Variants in SNX30 observed in about 807,000 individuals in gnomAD.
SNX30 encodes sorting nexin family member 30, also known as sorting nexin-30.
SNX30 carries 24 observed loss-of-function variants against 46.4 expected under a neutral mutation model. The ratio of observed to expected loss-of-function variants is 0.52; its 90% CI spans 0.37 to 0.73. The LOEUF is 0.73. Among genes scored for constraint, SNX30 ranks in the 30% least tolerant of loss-of-function variants. The probability of loss-of-function intolerance (pLI) is 0.00; values close to 1 mark genes in which losing one functional copy is unlikely to be tolerated. For missense variants in SNX30, 533 were observed against 555.7 expected (o/e 0.96, Z 0.41); for synonymous variants, 189 against 211.5 (o/e 0.89, Z 0.92).
At chr9:112,790,608 T>G (rs1374256437) in intron 1 of SNX30, among the ~76,000 whole-genome samples, 1 of 152,190 alleles carries the variant, frequency 6.6e-6, no homozygotes, top group Non-Finnish European at 1.5e-5. Flanking sequence ...CCAAAGTCAG[T>G]GTGGTGGGGA....
chr9:112,788,070 T>C (rs553718818), intron 1 of SNX30, among the ~76,000 whole-genome samples: 1 of 152,216 alleles, frequency 6.6e-6, no homozygotes, highest in Non-Finnish European at 1.5e-5. Flanking sequence ...CTTTTAGTCT[T>C]GCTAAAAGTG....
Position 112,848,458 on chromosome 9 carries a change from G to T in SNX30, c.1015-2401G>T, listed in dbSNP as rs139514378. Among the ~76,000 whole-genome samples, 107 of 152,248 alleles carry T rather than the reference G, an allele frequency of 7.0e-4. 1 individual carries two copies. The highest frequency in any genetic ancestry group is 2.5e-3 in the African/African-American group (105 of 41,562). On this transcript the variant is annotated intron_variant, in intron 6 of 8. Coordinates refer to ENST00000374232, the MANE Select transcript of SNX30 (RefSeq NM_001012994.2). ...AACCTTCAGCGTGGTTGGATTTTGGGCCAGCTGCAAAGCCACATGCTGGAA... is the reference window on the plus strand; with the variant it reads ...AACCTTCAGCGTGGTTGGATTTTGGTCCAGCTGCAAAGCCACATGCTGGAA...
chr9:112,881,203 C>G (rs1225267984), intron 5 of SNX30, among the ~76,000 whole-genome samples: 1 of 152,194 alleles, frequency 6.6e-6, no homozygotes, highest in Non-Finnish European at 1.5e-5. Flanking sequence ...CCTGGGCTTT[C>G]TCATCTGCTG....
chr9:112,866,526 A>G, intron 8 of SNX30: 1 of 470,668 alleles, frequency 2.1e-6, no homozygotes, highest in Non-Finnish European at 4.4e-6. Context: ...AGAGAGCAGG[A>G]CCTGGAATGC....
chr9:112,758,965 G>A (rs1384118604), intron 1 of SNX30, among the ~76,000 whole-genome samples: 10 of 151,968 alleles, frequency 6.6e-5, no homozygotes, highest in African/African-American at 2.2e-4. Context: ...ACGCGCGCAC[G>A]TGCACACACA....
chr9:112,797,711 C>CT (rs71384277), intron 1 of SNX30, among the ~76,000 whole-genome samples: 91,993 of 121,130 alleles, frequency 0.76, 35,494 homozygotes, highest in South Asian at 0.86. Flanking sequence ...TTTTCTTTTT[C>CT]TTTTTTTTTT....
chr9:112,877,623 CA>C (rs1182366731), downstream of SNX30: 1 of 152,254 alleles, frequency 6.6e-6, no homozygotes, highest in Non-Finnish European at 1.5e-5. Context: ...ATCCATTAAC[CA>C]ACTCCTGTAG....
At chr9:112,805,715 T>C (rs7032401) in intron 2 of SNX30, among the ~76,000 whole-genome samples, 122,930 of 152,062 alleles carry the variant, frequency 0.81, 49,684 homozygotes, top group South Asian at 0.87. Context: ...ATGATCCACC[T>C]GCCTCGGCCT....
At chr9:112,789,327 G>T (rs1588116522) in intron 1 of SNX30, among the ~76,000 whole-genome samples, 2 of 152,100 alleles carry the variant, frequency 1.3e-5, no homozygotes, top group South Asian at 2.1e-4. Flanking sequence ...TCTCAGCCTG[G>T]AATGTCCTGG....
chr9:112,856,689 G>C (rs1039639491), intron 7 of SNX30: 12 of 152,326 alleles, frequency 7.9e-5, no homozygotes, highest in African/African-American at 2.9e-4. Context: ...GACGTGGTGG[G>C]TAGTGAAGTG....
Position 112,874,082 on chromosome 9 carries a change from C to T in SNX30, c.*5239C>T, listed in dbSNP as rs944801545. 1 of 152,218 alleles carries T rather than the reference C, an allele frequency of 6.6e-6. No homozygotes were observed. The highest frequency in any genetic ancestry group is 2.4e-5 in the African/African-American group (1 of 41,446). The allele number at this position is 152,218 out of a possible 1,614,324, so 9.4% of individuals were successfully genotyped here. A position where few individuals can be genotyped will look rare whatever the true frequency, so the allele number is the denominator to read the frequency against. On this transcript the variant is annotated 3_prime_UTR_variant, in exon 9 of 9. Coordinates refer to ENST00000374232, the MANE Select transcript of SNX30 (RefSeq NM_001012994.2). The stretch of plus-strand genomic sequence containing the variant: ...GATTGTTCGCAGTCTTAGACCAACA[C>T]TTCAGTCAGAAATGTTACTGGGAGG...
At chr9:112,828,962 C>T (rs1840618495) in intron 3 of SNX30, among the ~76,000 whole-genome samples, 1 of 152,168 alleles carries the variant, frequency 6.6e-6, no homozygotes, top group Admixed American at 6.5e-5. Flanking sequence ...CTGTCTGTCT[C>T]TGTGGGTTTG....
At chr9:112,827,083 G>A (rs148976217) in intron 3 of SNX30, among the ~76,000 whole-genome samples, 128 of 152,202 alleles carry the variant, frequency 8.4e-4, no homozygotes, top group South Asian at 1.7e-3. Context: ...CTCCTGCTCT[G>A]TCATAAAGAA....
At chr9:112,880,842 G>T (rs1283583091) in intron 5 of SNX30, among the ~76,000 whole-genome samples, 2 of 152,140 alleles carry the variant, frequency 1.3e-5, no homozygotes, top group African/African-American at 4.8e-5. Flanking sequence ...ACTGAGTGGG[G>T]AGAGATTGTC....
intron 6 of SNX30, among the ~76,000 whole-genome samples, chr9:112,842,965 G>A (rs1364451552): frequency 2.0e-5 from 3 of 152,292 alleles, no homozygotes; most frequent in Non-Finnish European, 1.5e-5. Flanking sequence ...TAAATACCTC[G>A]CAGACATCCA....
At chr9:112,797,433 C>T (rs568425699) in intron 1 of SNX30, among the ~76,000 whole-genome samples, 4 of 151,842 alleles carry the variant, frequency 2.6e-5, no homozygotes, top group African/African-American at 9.7e-5. Flanking sequence ...CATCTTGTAT[C>T]ATTTATATCC....
At chr9:112,884,839 G>T (rs1841624083), downstream of SNX30, among the ~76,000 whole-genome samples, 1 of 151,864 alleles carries the variant, frequency 6.6e-6, no homozygotes, top group Non-Finnish European at 1.5e-5. Flanking sequence ...TTTTGTTTAG[G>T]TTAAAGAGAC....
chr9:112,838,491 T>G lies in SNX30; in HGVS notation c.815-7T>G. On this transcript the variant is annotated splice_polypyrimidine_tract_variant and splice_region_variant and intron_variant, in intron 5 of 8. Transcript: ENST00000374232. ...CAGATTTTAATTAGTTTCTGTTCCC[T>G]GTTCAGAGTACCTTGTGGAGCTGAG... The G allele has an allele frequency of 1.2e-6, 2 of 1,601,870 alleles. No individual in the cohort carries two copies. The highest frequency in any genetic ancestry group is 8.5e-7 in the Non-Finnish European group (1 of 1,173,182).
At chr9:112,771,715 C>T (rs1839651901) in intron 1 of SNX30, among the ~76,000 whole-genome samples, 1 of 152,186 alleles carries the variant, frequency 6.6e-6, no homozygotes, top group African/African-American at 2.4e-5. Flanking sequence ...TGAGGGCTCT[C>T]ACTCATAGTC....
Sources: gnomAD v4.1 joint callset for allele counts (sites outside exome capture counted in the v4.1 genomes callset) on GRCh38, gnomAD v4.1.1 for gene constraint, MANE v1.5 for transcripts, NCBI Gene and HGNC (gene_info 2026-07-23, HGNC 2026-07-21) for gene names.